Variants in CNKSR2 observed in about 807,000 individuals in gnomAD.
CNKSR2 encodes the protein connector enhancer of kinase suppressor of Ras 2, also known as CNK homolog protein 2.
CNKSR2 carries 14 observed loss-of-function variants against 84.4 expected under a neutral mutation model. That is an observed-to-expected ratio of 0.17 (90% CI 0.11 to 0.26). CNKSR2 has a LOEUF of 0.26. Among genes scored for constraint, CNKSR2 ranks in the 10% least tolerant of loss-of-function variants. CNKSR2 has a pLI of 1.00. For missense variants in CNKSR2, 485 were observed against 771.2 expected, an observed-to-expected ratio of 0.63 and a Z score of 4.40; for synonymous variants, 275 against 277.9, an observed-to-expected ratio of 0.99 and a Z score of 0.10.
chrX:21,551,603 T>A (rs1392442438), intron 11 of CNKSR2, among the ~76,000 whole-genome samples: 3 of 111,999 alleles, frequency 2.7e-5, no homozygotes, highest in Non-Finnish European at 3.8e-5. Flanking sequence ...GGGTTCAGTA[T>A]TGTCCCCCAG....
intron 13 of CNKSR2, among the ~76,000 whole-genome samples, chrX:21,588,656 C>CT (rs1318500378): frequency 9.0e-6 from 1 of 111,463 alleles, no homozygotes; most frequent in Non-Finnish European, 1.9e-5. Context: ...AAAAGATAAT[C>CT]TTGTTAAAAA....
At chrX:21,489,661 G>A (rs1267077027) in intron 5 of CNKSR2, among the ~76,000 whole-genome samples, 1 of 111,928 alleles carries the variant, frequency 8.9e-6, no homozygotes, top group African/African-American at 3.2e-5. Context: ...CAGTTAGTAC[G>A]AATGGATTTA....
rs182089918 is a variant in CNKSR2, at chrX:21,526,786, A to G, written c.958-81A>G. On this transcript the variant is annotated intron_variant, in intron 9 of 21. Coordinates refer to ENST00000379510, the MANE Select transcript of CNKSR2 (RefSeq NM_014927.5). ...AATTTTAAAATGATAACTATGTGTCATTGTTGTTGTTGTTGTTGTTGTTGT... is the reference window on the plus strand; with the variant it reads ...AATTTTAAAATGATAACTATGTGTCGTTGTTGTTGTTGTTGTTGTTGTTGT... 164 of 764,105 alleles carry G rather than the reference A, an allele frequency of 2.1e-4. No homozygotes were observed. In the African/African-American group the frequency reaches 2.3e-3, roughly 11 times the overall value. 63.0% of individuals were successfully genotyped at this position (764,105 alleles called of 1,213,427 possible).
rs1055046277 is a variant in CNKSR2 at position 21,595,222 on chromosome X, T to C, written c.1905-102T>C. ...GTCACCATGATAGAAGCATTATATA[T>C]GTGAACTCGGGTTAGATGTTGAGGT... On this transcript the variant is annotated intron_variant, in intron 16 of 21. Coordinates refer to ENST00000379510, the MANE Select transcript of CNKSR2 (RefSeq NM_014927.5). 14 of 688,646 alleles carry C rather than the reference T, an allele frequency of 2.0e-5. No individual in the cohort carries two copies. The African/African-American group carries it at 2.4e-4, about 12-fold the overall frequency. The allele number at this position is 688,646 out of a possible 1,213,427, so 56.8% of individuals were successfully genotyped here.
At chrX:21,570,776 G>A (rs758937070) in intron 13 of CNKSR2, among the ~76,000 whole-genome samples, 213 of 112,298 alleles carry the variant, frequency 1.9e-3, no homozygotes, top group Non-Finnish European at 3.4e-3. Context: ...TCGGAGAACA[G>A]CCCATTGGGA....
chrX:21,577,498 G>C (rs552436039), intron 13 of CNKSR2, among the ~76,000 whole-genome samples: 1 of 111,257 alleles, frequency 9.0e-6, no homozygotes. Flanking sequence ...ACTATTTGGG[G>C]ACATACCTGC....
chrX:21,507,946 G>T (rs886264627), intron 8 of CNKSR2, among the ~76,000 whole-genome samples: 88 of 111,584 alleles, frequency 7.9e-4, no homozygotes, highest in African/African-American at 2.6e-3. Context: ...TTTGTAAGAA[G>T]AACAGAAATG....
chrX:21,634,844 A>T (rs2092663096), intron 20 of CNKSR2, among the ~76,000 whole-genome samples: 1 of 108,081 alleles, frequency 9.3e-6, no homozygotes, highest in Admixed American at 1.0e-4. Context: ...GTAGGACAAA[A>T]GTTCACAAAG....
intron 4 of CNKSR2, among the ~76,000 whole-genome samples, chrX:21,445,529 G>C (rs1275679345): frequency 9.1e-6 from 1 of 110,359 alleles, no homozygotes; most frequent in Non-Finnish European, 1.9e-5. Flanking sequence ...CAGTGCTATA[G>C]AACACTAGGA....
chrX:21,641,315 A>C (rs1224130290), intron 20 of CNKSR2, among the ~76,000 whole-genome samples: 1 of 111,925 alleles, frequency 8.9e-6, no homozygotes, highest in Non-Finnish European at 1.9e-5. Context: ...CCAAACAACC[A>C]AAGTTTAAAG....
chrX:21,553,636 G>T (rs951669088), intron 11 of CNKSR2, among the ~76,000 whole-genome samples: 1 of 110,456 alleles, frequency 9.1e-6, no homozygotes, highest in African/African-American at 3.3e-5. Context: ...GAAAGGAATT[G>T]TAAAGTTATT....
Position 21,374,608 on chromosome X carries a change from CAGCAGCAGCAGCAGCAGCAGCA to C in CNKSR2, c.-289_-268del. The C allele has an allele frequency of 2.0e-6, 1 of 497,314 alleles. No homozygotes were observed. 41.0% of individuals were successfully genotyped at this position (497,314 alleles called of 1,213,427 possible). ...GGAGCGGCGGAGGCAGCAGCAGCAG[CAGCAGCAGCAGCAGCAGCAGCA>C]GCCGCCGCCGCCGCCGCCTTAGCGG... is the stretch of plus-strand genomic sequence containing the variant. On this transcript the variant is annotated 5_prime_UTR_variant, in exon 1 of 22. Coordinates refer to ENST00000379510, the MANE Select transcript of CNKSR2 (RefSeq NM_014927.5).
rs189799484 is a variant in CNKSR2, at chrX:21,420,968, C to T, written c.65-5529C>T. Among the ~76,000 whole-genome samples, 8 of 111,232 alleles carry T rather than the reference C, an allele frequency of 7.2e-5. No individual in the cohort carries two copies. In the East Asian group the frequency reaches 2.0e-3, roughly 28 times the overall value. The stretch of plus-strand genomic sequence containing the variant: ...TAGAACTCTCCTAGGATTTGCAGTC[C>T]TTGTGGCCTAGACTGTGTTTCAAGT... On this transcript the variant is annotated intron_variant, in intron 1 of 21. Transcript: ENST00000379510.
chrX:21,445,416 C>T (rs776760898), intron 4 of CNKSR2, among the ~76,000 whole-genome samples: 4 of 111,090 alleles, frequency 3.6e-5, no homozygotes, highest in Non-Finnish European at 7.6e-5. Flanking sequence ...GCATATCCGT[C>T]ATCTCAAATA....
intron 11 of CNKSR2, among the ~76,000 whole-genome samples, chrX:21,548,816 A>G (rs894303840): frequency 1.8e-5 from 2 of 112,341 alleles, no homozygotes; most frequent in Admixed American, 9.4e-5. Context: ...ACCAATGACA[A>G]AAACCTCATG....
intron 2 of CNKSR2, among the ~76,000 whole-genome samples, chrX:21,430,710 TATC>T (rs1172027731): frequency 8.9e-6 from 1 of 112,186 alleles, no homozygotes; most frequent in Admixed American, 9.5e-5. Flanking sequence ...ACAGAAGAAA[TATC>T]ATTTACAGTT....
At chrX:21,411,762 C>A (rs1740201024) in intron 1 of CNKSR2, among the ~76,000 whole-genome samples, 1 of 111,012 alleles carries the variant, frequency 9.0e-6, no homozygotes, top group Non-Finnish European at 1.9e-5. Context: ...GAGCACCATG[C>A]CAGGTACCTT....
At chrX:21,568,609 TGGAG>T (rs779455412) in intron 13 of CNKSR2, among the ~76,000 whole-genome samples, 103 of 111,829 alleles carry the variant, frequency 9.2e-4, no homozygotes, top group African/African-American at 3.3e-3. Flanking sequence ...CTTTTTTTGA[TGGAG>T]GGAAGAGGGG....
rs193046467 is a variant in CNKSR2, at chrX:21,600,590, G to C, written c.1977-692G>C. 4.5e-5 allele frequency among the ~76,000 whole-genome samples: 5 copies of C among 112,295 alleles called. No individual in the cohort carries two copies. In the East Asian group the frequency reaches 1.4e-3, roughly 31 times the overall value. ...GGGACAAAAGAAAGACAGTAAAACT[G>C]TGCTTTGCTTTAGGCAGTCCCTACA... On this transcript the variant is annotated intron_variant, in intron 17 of 21. Coordinates refer to ENST00000379510, the MANE Select transcript of CNKSR2 (RefSeq NM_014927.5).
Sources: gnomAD v4.1 joint callset for allele counts (sites outside exome capture counted in the v4.1 genomes callset) on GRCh38, gnomAD v4.1.1 for gene constraint, MANE v1.5 for transcripts, NCBI Gene and HGNC (gene_info 2026-07-23, HGNC 2026-07-21) for gene names.